PTPRD: variants seen among roughly 807,000 people sequenced by gnomAD.
The protein encoded by PTPRD is protein tyrosine phosphatase receptor type D.
PTPRD carries 34 observed loss-of-function variants against 214.5 expected under a neutral mutation model. The ratio of observed to expected loss-of-function variants is 0.16; its 90% CI spans 0.12 to 0.21. PTPRD has a LOEUF of 0.21. PTPRD is among the 10% of genes least tolerant of loss of function. The pLI is 1.00. For missense variants in PTPRD, 2,545 were observed against 2,398.7 expected, an observed-to-expected ratio of 1.06 and a Z score of -1.27; for synonymous variants, 1,128 against 845.7, an observed-to-expected ratio of 1.33 and a Z score of -5.79.
intron 3 of PTPRD, among the ~76,000 whole-genome samples, chr9:10,067,739 T>A (rs1325690174): frequency 2.6e-5 from 4 of 151,854 alleles, no homozygotes; most frequent in African/African-American, 4.8e-5. Flanking sequence ...AAGACCATGC[T>A]TTTTCCATTA....
chr9:8,800,535 C>T (rs1311756120), intron 11 of PTPRD, among the ~76,000 whole-genome samples: 1 of 152,184 alleles, frequency 6.6e-6, no homozygotes, highest in Non-Finnish European at 1.5e-5. Flanking sequence ...CTCACTGCTA[C>T]ACTCCCACCA....
At chr9:9,164,018 T>G (rs2099896204) in intron 10 of PTPRD, among the ~76,000 whole-genome samples, 2 of 152,300 alleles carry the variant, frequency 1.3e-5, no homozygotes, top group South Asian at 4.1e-4. Flanking sequence ...ACTTCAACAT[T>G]TATGTACTTC....
intron 7 of PTPRD, among the ~76,000 whole-genome samples, chr9:9,702,560 T>C (rs1240204300): frequency 2.6e-5 from 4 of 152,302 alleles, no homozygotes; most frequent in East Asian, 3.9e-4. Flanking sequence ...GGATAGTTAA[T>C]GAAGCACAGA....
At chr9:10,591,649 C>T (rs992033421) in intron 2 of PTPRD, among the ~76,000 whole-genome samples, 1 of 152,182 alleles carries the variant, frequency 6.6e-6, no homozygotes, top group East Asian at 1.9e-4. Context: ...AAGAAAAACA[C>T]TTTGGTGGGC....
intron 30 of PTPRD, among the ~76,000 whole-genome samples, chr9:8,476,065 C>T (rs2096758280): frequency 6.6e-6 from 1 of 152,206 alleles, no homozygotes; most frequent in Admixed American, 6.5e-5. Flanking sequence ...GCCCTCTCAG[C>T]TACAGCTTGA....
At chr9:9,151,961 G>A (rs1184508212) in intron 10 of PTPRD, among the ~76,000 whole-genome samples, 1 of 152,072 alleles carries the variant, frequency 6.6e-6, no homozygotes, top group Non-Finnish European at 1.5e-5. Context: ...AATCACTTAG[G>A]GACTGAATTT....
intron 9 of PTPRD, among the ~76,000 whole-genome samples, chr9:9,296,083 T>C (rs1952920102): frequency 6.6e-6 from 1 of 151,798 alleles, no homozygotes. Flanking sequence ...TTGAGGTCAA[T>C]ACCTAGATTA....
At chr9:8,345,039 C>T (rs1309795164) in intron 39 of PTPRD, among the ~76,000 whole-genome samples, 1 of 92,042 alleles carries the variant, frequency 1.1e-5, no homozygotes, top group Non-Finnish European at 3.1e-5. Flanking sequence ...ACTTTAGAAA[C>T]ATTTGAGATT....
chr9:9,729,014 G>C (rs1189779490), intron 7 of PTPRD, among the ~76,000 whole-genome samples: 2 of 152,154 alleles, frequency 1.3e-5, no homozygotes, highest in East Asian at 3.9e-4. Flanking sequence ...AGTCAGGAGA[G>C]AATTATTTCA....
At chr9:10,300,785 C>G (rs914223041) in intron 3 of PTPRD, among the ~76,000 whole-genome samples, 1 of 152,042 alleles carries the variant, frequency 6.6e-6, no homozygotes, top group Admixed American at 6.5e-5. Context: ...ATAGATAAGA[C>G]CCCCATCTCC....
intron 2 of PTPRD, among the ~76,000 whole-genome samples, chr9:10,359,358 T>G (rs566677970): frequency 6.6e-6 from 1 of 152,190 alleles, no homozygotes; most frequent in African/African-American, 2.4e-5. Context: ...CTCTTCTTTA[T>G]TCCCCCAGTT....
chr9:9,921,930 G>A (rs2082663471), intron 5 of PTPRD, among the ~76,000 whole-genome samples: 1 of 152,058 alleles, frequency 6.6e-6, no homozygotes, highest in Admixed American at 6.6e-5. Context: ...CACATATTCA[G>A]TAAGTGGCAA....
intron 9 of PTPRD, among the ~76,000 whole-genome samples, chr9:9,329,352 T>G (rs2041429977): frequency 6.6e-6 from 1 of 152,220 alleles, no homozygotes; most frequent in Non-Finnish European, 1.5e-5. Context: ...TTTCATCTTT[T>G]CATAACTAAG....
At chr9:9,891,118 G>A (rs936174752) in intron 5 of PTPRD, among the ~76,000 whole-genome samples, 2 of 152,050 alleles carry the variant, frequency 1.3e-5, no homozygotes, top group Non-Finnish European at 2.9e-5. Context: ...AATATGGCTA[G>A]GAAAAAGGGA....
intron 9 of PTPRD, among the ~76,000 whole-genome samples, chr9:9,322,137 C>G (rs1253286426): frequency 1.3e-5 from 2 of 152,148 alleles, no homozygotes; most frequent in Admixed American, 6.5e-5. Flanking sequence ...AATGGACATG[C>G]TTTTGAGTTA....
chr9:10,060,623 G>A (rs973139418), intron 3 of PTPRD, among the ~76,000 whole-genome samples: 3 of 151,710 alleles, frequency 2.0e-5, no homozygotes, highest in African/African-American at 7.3e-5. Flanking sequence ...ATTTTTAATT[G>A]CCACCAACCT....
chr9:9,014,566 T>G (rs897610742), intron 11 of PTPRD, among the ~76,000 whole-genome samples: 4 of 152,164 alleles, frequency 2.6e-5, no homozygotes, highest in African/African-American at 4.8e-5. Flanking sequence ...CCAGGAATAA[T>G]CCGAAGAGGA....
At chr9:9,134,298 C>A (rs1340938368) in intron 10 of PTPRD, among the ~76,000 whole-genome samples, 1 of 150,804 alleles carries the variant, frequency 6.6e-6, no homozygotes, top group Non-Finnish European at 1.5e-5. Context: ...TGGTCTCGAT[C>A]TCCTGACCTC....
At chr9:8,609,171 A>G (rs1224865034) in intron 14 of PTPRD, among the ~76,000 whole-genome samples, 1 of 152,306 alleles carries the variant, frequency 6.6e-6, no homozygotes, top group East Asian at 1.9e-4. Flanking sequence ...TTTTCCTTCA[A>G]TCTCTGAGAA....
Sources: allele counts gnomAD v4.1 joint callset (sites outside exome capture counted in the v4.1 genomes callset), GRCh38; gene constraint gnomAD v4.1.1; transcripts MANE v1.5; gene names NCBI Gene and HGNC (gene_info 2026-07-23, HGNC 2026-07-21).